Variants in LRP4 observed in about 807,000 individuals in gnomAD.
LRP4 encodes LDL receptor related protein 4, also known as low-density lipoprotein receptor-related protein 4.
Under a neutral mutation model 220.3 loss-of-function variants are expected in LRP4, and 95 were observed. That is an observed-to-expected ratio of 0.43 (90% confidence interval 0.37 to 0.51). The LOEUF is 0.51. Among genes scored for constraint, LRP4 ranks in the 20% least tolerant of loss-of-function variants. LRP4 has a pLI of 0.00. For synonymous variants in LRP4, 903 were observed against 954.6 expected, an observed-to-expected ratio of 0.95 and a Z score of 1.00; for missense variants, 1,925 against 2,567.0, an observed-to-expected ratio of 0.75 and a Z score of 5.40.
chr11:46,878,274 C>CTTTT (rs71042631), intron 22 of LRP4, among the ~76,000 whole-genome samples: 3 of 74,970 alleles, frequency 4.0e-5, no homozygotes, highest in African/African-American at 9.3e-5. Flanking sequence ...TTAGAAGTGT[C>CTTTT]TTTTTTTTTT....
intron 18 of LRP4, among the ~76,000 whole-genome samples, chr11:46,885,237 A>G (rs1404184999): frequency 1.3e-5 from 2 of 152,146 alleles, no homozygotes; most frequent in Non-Finnish European, 2.9e-5. Flanking sequence ...TAAGCTCAAG[A>G]GATCTTGCCC....
intron 31 of LRP4, among the ~76,000 whole-genome samples, chr11:46,871,272 A>G (rs1264906569): frequency 1.3e-5 from 2 of 152,168 alleles, no homozygotes; most frequent in Non-Finnish European, 2.9e-5. Context: ...AACAAGCACC[A>G]TATCGGATTC....
chr11:46,895,541 A>G (rs1472181598), intron 10 of LRP4, among the ~76,000 whole-genome samples: 1 of 152,134 alleles, frequency 6.6e-6, no homozygotes, highest in Non-Finnish European at 1.5e-5. Flanking sequence ...AGATCGCACC[A>G]CTGCACTCCA....
rs1243051904 is a variant in LRP4, at chr11:46,895,941, C to T, written c.1126G>A (p.Val376Met). 6.2e-7 allele frequency: 1 copy of T among 1,614,014 alleles called. No homozygotes were observed. The highest frequency in any genetic ancestry group is 1.1e-5 in the South Asian group (1 of 91,086). ...TAGCCTGTGTGGCAGGTACACTGCA[C>T]TGCCCCCCGCACCATCTGGCACTTC... The part of the protein sequence containing the change: ...AQKCQMVRGA[V>M]QCTCHTGYRL... The change falls in exon 10 of 38, where the codon GTG becomes ATG. Residue 376 changes from valine (V) to methionine (M), a missense_variant. Val to Met is a conservative substitution (Grantham distance 21). Around this residue, in one of 3 missense-constraint regions of LRP4, gnomAD observed 269 missense variants for 436.7 expected, o/e 0.62. Coordinates refer to ENST00000378623, the MANE Select transcript of LRP4 (RefSeq NM_002334.4).
chr11:46,892,069 T>C (rs1941434384), intron 13 of LRP4, among the ~76,000 whole-genome samples: 1 of 152,182 alleles, frequency 6.6e-6, no homozygotes, highest in African/African-American at 2.4e-5. Flanking sequence ...TAGCTGGGAC[T>C]ACAGGCATGT....
At position 46,881,888 on chromosome 11, in the gene LRP4, A is replaced by T. The variant is rs757282422; in HGVS notation, c.2628T>A (p.Thr876=). The T allele has an allele frequency of 6.2e-7, 1 of 1,614,224 alleles. No homozygotes were observed. Among genetic ancestry groups the T allele is most frequent in the Admixed American group, 1.7e-5 (1 of 60,028 alleles). The change falls in exon 20 of 38, where the codon ACT becomes ACA. Residue 876 remains threonine, a synonymous_variant. Coordinates refer to ENST00000378623, the MANE Select transcript of LRP4 (RefSeq NM_002334.4). ...VEPMGGYMYW[T]DWGASPKIER... ...CAATCTTGGGGCTCGCACCCCAGTC[A>T]GTCCAATACATGTACCTGGGCAAAG... is the stretch of plus-strand genomic sequence containing the variant.
chr11:46,882,560 G>C (rs969375082), intron 19 of LRP4, among the ~76,000 whole-genome samples: 2 of 151,936 alleles, frequency 1.3e-5, no homozygotes, highest in African/African-American at 2.4e-5. Flanking sequence ...AAACCAGTAA[G>C]AACAACATAG....
chr11:46,868,541 T>G, intron 33 of LRP4, 59 bp downstream of exon 33: 1 of 1,217,360 alleles, frequency 8.2e-7, no homozygotes, highest in Non-Finnish European at 1.2e-6. Flanking sequence ...CAGAGGCTGC[T>G]GACTCTCAGC....
At chr11:46,869,263 G>GTTGA in intron 31 of LRP4, 131 bp from the exon 32 acceptor site, 1 of 849,918 alleles carries the variant, frequency 1.2e-6, no homozygotes, top group Non-Finnish European at 1.9e-6. Context: ...CCTCATTTCT[G>GTTGA]TGCATCAACA....
At chr11:46,896,161 G>A in intron 9 of LRP4, 49 bp downstream of exon 9, 1 of 1,611,300 alleles carries the variant, frequency 6.2e-7, no homozygotes, top group African/African-American at 1.3e-5. Flanking sequence ...CCTATGGGTG[G>A]GGTTCGGCCA....
At chr11:46,897,741 A>T (rs1283593567) in intron 7 of LRP4, among the ~76,000 whole-genome samples, 1 of 151,980 alleles carries the variant, frequency 6.6e-6, no homozygotes, top group East Asian at 1.9e-4. Context: ...TTCTTAGTAC[A>T]GAACAAAATG....
At chr11:46,862,044 G>C (rs1940568997) in intron 37 of LRP4, among the ~76,000 whole-genome samples, 1 of 146,944 alleles carries the variant, frequency 6.8e-6, no homozygotes, top group African/African-American at 2.5e-5. Flanking sequence ...CTCCAGCCTG[G>C]GCAACAAGAG....
Position 46,858,753 on chromosome 11 carries a change from T to C in LRP4, c.*230A>G, listed in dbSNP as rs571397393. 33 of 589,070 alleles carry C rather than the reference T, an allele frequency of 5.6e-5. No homozygotes were observed. In the East Asian group the frequency reaches 1.0e-3, roughly 18 times the overall value. 36.5% of individuals were successfully genotyped at this position (589,070 alleles called of 1,614,324 possible). On this transcript the variant is annotated 3_prime_UTR_variant, in exon 38 of 38. Transcript: ENST00000378623. ...CCAGGATGGAGTACAAGATGTGAGGTTCATGGTAAAATCCAGGTCTAAATT... is the reference window on the plus strand; with the variant it reads ...CCAGGATGGAGTACAAGATGTGAGGCTCATGGTAAAATCCAGGTCTAAATT...
chr11:46,883,832 G>A, intron 19 of LRP4, 39 bp downstream of exon 19: 2 of 1,443,058 alleles, frequency 1.4e-6, no homozygotes, highest in South Asian at 2.3e-5. Flanking sequence ...GATCTTGGGA[G>A]GGGTGGATGG....
At chr11:46,871,847 T>C (rs550531208) in intron 30 of LRP4, among the ~76,000 whole-genome samples, 4 of 152,190 alleles carry the variant, frequency 2.6e-5, no homozygotes, top group East Asian at 3.9e-4. Context: ...TGGGGAGGCA[T>C]AGAAAGTCTA....
rs1940941687 is a variant in LRP4 at position 46,873,984 on chromosome 11, C to T, written c.4230-391G>A. The T allele has an allele frequency of 8.8e-6, 2 of 226,880 alleles. No homozygotes were observed. The highest frequency in any genetic ancestry group is 1.7e-5 in the Non-Finnish European group (2 of 114,962). 14.1% of individuals were successfully genotyped at this position (226,880 alleles called of 1,614,324 possible). On this transcript the variant is annotated intron_variant, in intron 28 of 37. Transcript: ENST00000378623. This position sits in a 1 kb window ranked among gnomAD's most constrained non-coding sequence, Gnocchi z 4.2. ...TAAAAGTTAAAAACAATTTTAAATA[C>T]AAGTAGATATGAGGTTTCATTATGT...
intron 37 of LRP4, 21 bp from the exon 38 acceptor site, chr11:46,859,336 A>C (rs756857943): frequency 1.3e-6 from 2 of 1,572,222 alleles, no homozygotes; most frequent in South Asian, 2.2e-5. Flanking sequence ...GAGTGGGCAG[A>C]TATGGTCAGT....
rs1940910594 is a variant in LRP4 at position 46,873,021 on chromosome 11, A to G, written c.4583+79T>C. On this transcript the variant is annotated intron_variant, in intron 30 of 37. Coordinates refer to ENST00000378623, the MANE Select transcript of LRP4 (RefSeq NM_002334.4). The surrounding 1 kb of genome is among the most constrained non-coding windows in gnomAD (Gnocchi z 4.2). ...ATACCAAGAAGCTTTCTATCTTTTC[A>G]TTTTTCCAAGGTTAATCTCAACCAT... 1.9e-6 allele frequency: 3 copies of G among 1,585,604 alleles called. No individual in the cohort carries two copies. The Admixed American group carries it at 5.0e-5, about 26-fold the overall frequency.
At chr11:46,916,350 A>C (rs1222022867) in intron 1 of LRP4, among the ~76,000 whole-genome samples, 1 of 152,112 alleles carries the variant, frequency 6.6e-6, no homozygotes, top group Non-Finnish European at 1.5e-5. Flanking sequence ...TGAGATGACA[A>C]GATCACTTGA....
Sources: allele counts gnomAD v4.1 joint callset (sites outside exome capture counted in the v4.1 genomes callset), GRCh38; gene constraint gnomAD v4.1.1; regional missense constraint gnomAD v4.1.1; non-coding constraint Gnocchi (gnomAD v3.1); transcripts MANE v1.5; gene names NCBI Gene and HGNC (gene_info 2026-07-23, HGNC 2026-07-21).